The following PDPN variants were observed in gnomAD, a reference collection of about 807,000 sequenced individuals.
PDPN encodes PA2.26 antigen.
A neutral mutation model predicts 23.2 loss-of-function variants in PDPN; 12 were observed. The observed-to-expected ratio is 0.52, with a 90% CI of 0.33 to 0.84. PDPN has a LOEUF of 0.84. Among genes scored for constraint, PDPN ranks in the 40% least tolerant of loss-of-function variants. The pLI, the probability that PDPN is intolerant of heterozygous loss-of-function variation, is 0.02. For synonymous variants in PDPN, 77 were observed against 76.7 expected, an observed-to-expected ratio of 1.00 and a Z score of -0.02; for missense variants, 199 against 212.2, an observed-to-expected ratio of 0.94 and a Z score of 0.39.
At chr1:13,601,718 A>G (rs78875802) in intron 1 of PDPN, among the ~76,000 whole-genome samples, 3,793 of 152,284 alleles carry the variant, frequency 0.025, 103 homozygotes, top group Middle Eastern at 0.078. Flanking sequence ...AGCAGTGGGG[A>G]AAAGAGGATT....
chr1:13,612,953 T>A (rs1640972116), intron 3 of PDPN, among the ~76,000 whole-genome samples: 1 of 151,572 alleles, frequency 6.6e-6, no homozygotes, highest in African/African-American at 2.4e-5. Flanking sequence ...CCCAGAGGAG[T>A]TAAGGACTCG....
At chr1:13,612,460 G>A (rs75152144) in intron 3 of PDPN, among the ~76,000 whole-genome samples, 2,732 of 152,258 alleles carry the variant, frequency 0.018, 84 homozygotes, top group African/African-American at 0.063. Context: ...CAGCTGCCAC[G>A]TGGTAGGACG....
rs1352453427 is a variant in PDPN at position 13,615,069 on chromosome 1, C to T, written c.482+658C>T. 4.6e-5 allele frequency among the ~76,000 whole-genome samples: 7 copies of T among 152,166 alleles called. No homozygotes were observed. The South Asian group carries it at 6.2e-4, about 14-fold the overall frequency. On this transcript the variant is annotated intron_variant, in intron 5 of 5. Coordinates refer to ENST00000621990, the MANE Select transcript of PDPN (RefSeq NM_006474.5). Reference sequence around the variant, plus strand: ...AAGGCTTCTAGAAAACCGCCTGTCACAGAGTCGGCAGCCCATTCGGATTAG... The same window carrying T: ...AAGGCTTCTAGAAAACCGCCTGTCATAGAGTCGGCAGCCCATTCGGATTAG...
At chr1:13,603,032 ATAAAAAT>A (rs935181947) in intron 1 of PDPN, among the ~76,000 whole-genome samples, 46 of 151,052 alleles carry the variant, frequency 3.0e-4, no homozygotes, top group African/African-American at 1.0e-3. Flanking sequence ...ATATATATAT[ATAAAAAT>A]AAAATGAGAT....
intron 1 of PDPN, among the ~76,000 whole-genome samples, chr1:13,602,944 T>C (rs1027239072): frequency 2.0e-5 from 3 of 152,018 alleles, no homozygotes; most frequent in Non-Finnish European, 4.4e-5. Flanking sequence ...TTTGCAAGGC[T>C]GAGGTGGGAG....
intron 1 of PDPN, chr1:13,585,666 C>T (rs1236050844): frequency 1.3e-5 from 17 of 1,346,778 alleles, no homozygotes; most frequent in Non-Finnish European, 1.7e-5. Context: ...GCGTTAAAAC[C>T]GAAAAACCAT....
chr1:13,611,024 A>G (rs895562124), intron 3 of PDPN, among the ~76,000 whole-genome samples: 3 of 152,122 alleles, frequency 2.0e-5, no homozygotes, highest in African/African-American at 4.8e-5. Flanking sequence ...GATCAAGACC[A>G]TCCTGGCTAA....
chr1:13,614,430 C>T lies in PDPN; in HGVS notation c.482+19C>T. On this transcript the variant is annotated intron_variant, in intron 5 of 5. Transcript: ENST00000621990. ...GGTACTCGTAAGTAAATAGCTTACA[C>T]CCATGTGATAGGCAAATGAAAGCCA... The T allele has an allele frequency of 8.4e-7, 1 of 1,193,462 alleles. No homozygotes were observed. The highest frequency in any genetic ancestry group is 1.2e-6 in the Non-Finnish European group (1 of 801,036). 73.9% of individuals were successfully genotyped at this position (1,193,462 alleles called of 1,614,324 possible). A position where few individuals can be genotyped will look rare whatever the true frequency, so the allele number is the denominator to read the frequency against.
intron 1 of PDPN, among the ~76,000 whole-genome samples, chr1:13,606,011 T>A (rs1226327442): frequency 6.6e-6 from 1 of 150,504 alleles, no homozygotes; most frequent in Non-Finnish European, 1.5e-5. Flanking sequence ...GTTTGGCTCT[T>A]TTTTTTTTGG....
intron 1 of PDPN, among the ~76,000 whole-genome samples, chr1:13,586,806 G>A (rs4661730): frequency 0.03 from 4,329 of 146,496 alleles, 124 homozygotes; most frequent in Middle Eastern, 0.087. Context: ...GGTGGCTCAC[G>A]CCTGTGAGGG....
chr1:13,593,973 T>C (rs1330959731), intron 1 of PDPN, among the ~76,000 whole-genome samples: 1 of 152,218 alleles, frequency 6.6e-6, no homozygotes, highest in African/African-American at 2.4e-5. Flanking sequence ...AATGTTCTGC[T>C]TTGGTCAAGA....
At chr1:13,615,213 C>G (rs1286860744) in intron 5 of PDPN, among the ~76,000 whole-genome samples, 1 of 152,112 alleles carries the variant, frequency 6.6e-6, no homozygotes, top group Non-Finnish European at 1.5e-5. Flanking sequence ...GGAGTTTTTT[C>G]TCCTTATTAA....
At position 13,616,254 on chromosome 1, in the gene PDPN, C is replaced by G. The variant is rs1261463283; in HGVS notation, c.*343C>G. 1 of 321,622 alleles carries G rather than the reference C, an allele frequency of 3.1e-6. No homozygotes were observed. Among genetic ancestry groups the G allele is most frequent in the Non-Finnish European group, 5.7e-6 (1 of 174,010 alleles). The allele number at this position is 321,622 out of a possible 1,614,324, so 19.9% of individuals were successfully genotyped here. A position where few individuals can be genotyped will look rare whatever the true frequency, so the allele number is the denominator to read the frequency against. ...GATATTATATGCTGTAACCATGTGT[C>G]TCCGTCTGACCATTCTTGTTATTGT... On this transcript the variant is annotated 3_prime_UTR_variant, in exon 6 of 6. Coordinates refer to ENST00000621990, the MANE Select transcript of PDPN (RefSeq NM_006474.5).
chr1:13,602,123 G>C (rs1640661206), intron 1 of PDPN, among the ~76,000 whole-genome samples: 1 of 152,146 alleles, frequency 6.6e-6, no homozygotes, highest in South Asian at 2.1e-4. Context: ...TCAGGAGATT[G>C]AGACCATCCT....
At position 13,584,017 on chromosome 1, in the gene PDPN, A is replaced by G. The variant is rs773813176; in HGVS notation, c.-17A>G. 3 of 1,613,440 alleles carry G rather than the reference A, an allele frequency of 1.9e-6. No individual in the cohort carries two copies. The highest frequency in any genetic ancestry group is 2.5e-6 in the Non-Finnish European group (3 of 1,179,936). On this transcript the variant is annotated 5_prime_UTR_variant, in exon 1 of 6. Transcript: ENST00000621990. The stretch of plus-strand genomic sequence containing the variant: ...TTGCTGCTCGGCCCCCAGGAGAGCA[A>G]CAACTCAACGGGAACGATGTGGAAG...
At chr1:13,589,560 G>A (rs923878520) in intron 1 of PDPN, among the ~76,000 whole-genome samples, 11 of 152,060 alleles carry the variant, frequency 7.2e-5, no homozygotes, top group Non-Finnish European at 1.6e-4. Context: ...CAGACTACTC[G>A]GCTGGAGCTT....
intron 2 of PDPN, among the ~76,000 whole-genome samples, chr1:13,609,750 T>C (rs1042245705): frequency 2.0e-5 from 3 of 152,220 alleles, no homozygotes; most frequent in East Asian, 3.9e-4. Flanking sequence ...TGCTATGGCA[T>C]GTGTCAGAAT....
At chr1:13,603,238 C>T (rs1159080741) in intron 1 of PDPN, among the ~76,000 whole-genome samples, 1 of 152,044 alleles carries the variant, frequency 6.6e-6, no homozygotes, top group African/African-American at 2.4e-5. Context: ...TAAAAATTAG[C>T]TGGGCGTGGT....
At chr1:13,595,649 G>T (rs1334720087) in intron 1 of PDPN, among the ~76,000 whole-genome samples, 1 of 152,212 alleles carries the variant, frequency 6.6e-6, no homozygotes, top group African/African-American at 2.4e-5. Context: ...CACGCCCCCA[G>T]TGCCGTTAGC....
Sources: gnomAD v4.1 joint callset for allele counts (sites outside exome capture counted in the v4.1 genomes callset) on GRCh38, gnomAD v4.1.1 for gene constraint, MANE v1.5 for transcripts, NCBI Gene and HGNC (gene_info 2026-07-23, HGNC 2026-07-21) for gene names.